EVI5: variants seen among roughly 807,000 people sequenced by gnomAD.
The protein encoded by EVI5 is ecotropic viral integration site 5 protein homolog.
A neutral mutation model predicts 112.0 loss-of-function variants in EVI5; 73 were observed. The observed-to-expected ratio is 0.65, with a 90% CI of 0.54 to 0.79. EVI5 has a LOEUF of 0.79. EVI5 is among the 30% of genes least tolerant of loss of function. The probability of loss-of-function intolerance (pLI) is 0.00; values close to 1 mark genes in which losing one functional copy is unlikely to be tolerated. For missense variants in EVI5, 900 were observed against 968.8 expected (o/e 0.93, Z 0.94); for synonymous variants, 305 against 319.9 (o/e 0.95, Z 0.50).
intron 1 of EVI5, chr1:92,756,315 C>T (rs1451877200): frequency 1.5e-5 from 7 of 466,806 alleles, no homozygotes; most frequent in Non-Finnish European, 2.6e-5. Context: ...GGCTGGCCAA[C>T]GATTTGCCTG....
chr1:92,567,894 A>G (rs758527598), intron 18 of EVI5, among the ~76,000 whole-genome samples: 4 of 152,198 alleles, frequency 2.6e-5, no homozygotes, highest in Non-Finnish European at 5.9e-5. Flanking sequence ...GGAAAAATAT[A>G]TATTATTCTT....
At position 92,657,550 on chromosome 1, in the gene EVI5, C is replaced by G. The variant is rs189054458; in HGVS notation, c.1392+5169G>C. ...TGGTGGTGTGTGCTTGTAGTCCCAG[C>G]TACTCAGGAGGCTAAAGCAGGAGGA... is the stretch of plus-strand genomic sequence containing the variant. On this transcript the variant is annotated intron_variant, in intron 13 of 19. Transcript: ENST00000684568. Among the ~76,000 whole-genome samples the G allele has an allele frequency of 2.0e-3, 299 of 152,112 alleles. 1 individual carries two copies. Among genetic ancestry groups the G allele is most frequent in the Non-Finnish European group, 3.4e-3 (230 of 67,998 alleles).
In EVI5 at chr1:92,527,548, C is replaced by A. The variant is rs1009719984; in HGVS notation, c.2167-13578G>T. 9.9e-5 allele frequency among the ~76,000 whole-genome samples: 15 copies of A among 151,806 alleles called. 1 individual carries two copies. In the East Asian group the frequency reaches 2.9e-3, roughly 29 times the overall value. ...ATGTGTACAAGTTGGTAAAATTTTACTTACATACATAGTCATGAAATTATC... is the reference window on the plus strand; with the variant it reads ...ATGTGTACAAGTTGGTAAAATTTTAATTACATACATAGTCATGAAATTATC... On this transcript the variant is annotated intron_variant, in intron 19 of 19. Coordinates refer to ENST00000684568, the MANE Select transcript of EVI5 (RefSeq NM_001350197.2).
chr1:92,546,562 G>A (rs773215214), intron 19 of EVI5, among the ~76,000 whole-genome samples: 3 of 152,140 alleles, frequency 2.0e-5, no homozygotes, highest in African/African-American at 4.8e-5. Flanking sequence ...CGGGCATGGT[G>A]GCACACGCAT....
chr1:92,565,096 A>G (rs893145223), intron 18 of EVI5, among the ~76,000 whole-genome samples: 8 of 152,244 alleles, frequency 5.3e-5, no homozygotes, highest in Non-Finnish European at 1.0e-4. Context: ...ATCCGGAGCC[A>G]TCTACTGAAA....
At chr1:92,746,758 A>T (rs112851804) in intron 1 of EVI5, among the ~76,000 whole-genome samples, 1 of 151,964 alleles carries the variant, frequency 6.6e-6, no homozygotes, top group Non-Finnish European at 1.5e-5. Context: ...TTAGCCAGGC[A>T]TGGTGGCGTG....
intron 18 of EVI5, among the ~76,000 whole-genome samples, chr1:92,590,863 G>C (rs1199485917): frequency 6.6e-6 from 1 of 152,220 alleles, no homozygotes; most frequent in East Asian, 1.9e-4. Context: ...CAGCCAGAGA[G>C]AAAGGTCGGG....
intron 2 of EVI5, among the ~76,000 whole-genome samples, chr1:92,718,612 A>C (rs936593003): frequency 6.6e-6 from 1 of 152,128 alleles, no homozygotes; most frequent in Non-Finnish European, 1.5e-5. Flanking sequence ...AATTGACACC[A>C]TAACATCACA....
At position 92,511,122 on chromosome 1, in the gene EVI5, T is replaced by G. The variant is rs1224749692; in HGVS notation, c.*2534A>C. 6.6e-6 allele frequency: 1 copy of G among 152,174 alleles called. No homozygotes were observed. Among genetic ancestry groups the G allele is most frequent in the Non-Finnish European group, 1.5e-5 (1 of 68,032 alleles). The allele number at this position is 152,174 out of a possible 1,614,324, so 9.4% of individuals were successfully genotyped here. Reference sequence around the variant, plus strand: ...TCTGTATATATATTCAGGAAACATTTAAATCAAATTCATTTAAATTATGTT... The same window carrying G: ...TCTGTATATATATTCAGGAAACATTGAAATCAAATTCATTTAAATTATGTT... On this transcript the variant is annotated 3_prime_UTR_variant, in exon 20 of 20. Transcript: ENST00000684568.
At chr1:92,605,086 T>C (rs1430901766) in intron 18 of EVI5, among the ~76,000 whole-genome samples, 1 of 152,090 alleles carries the variant, frequency 6.6e-6, no homozygotes, top group Non-Finnish European at 1.5e-5. Context: ...TGGATGGTGG[T>C]GATGGCTGCA....
intron 2 of EVI5, among the ~76,000 whole-genome samples, chr1:92,709,346 A>C (rs971509239): frequency 4.6e-5 from 7 of 152,152 alleles, no homozygotes; most frequent in South Asian, 2.1e-4. Flanking sequence ...TTATTCATCA[A>C]TTTTTATCAC....
intron 19 of EVI5, among the ~76,000 whole-genome samples, chr1:92,552,841 G>A (rs1009048708): frequency 1.3e-5 from 2 of 151,266 alleles, no homozygotes; most frequent in African/African-American, 2.4e-5. Context: ...TTTTAATTGC[G>A]ATTTTTTTCT....
intron 1 of EVI5, among the ~76,000 whole-genome samples, chr1:92,763,287 T>C (rs1349263299): frequency 6.6e-6 from 1 of 152,064 alleles, no homozygotes; most frequent in African/African-American, 2.4e-5. Context: ...AATACATATA[T>C]AAAATATAAA....
chr1:92,567,131 A>T (rs1003985081), intron 18 of EVI5, among the ~76,000 whole-genome samples: 7 of 152,080 alleles, frequency 4.6e-5, no homozygotes, highest in African/African-American at 1.4e-4. Context: ...AGTTTTTAAT[A>T]AAAAAGTTTA....
At chr1:92,744,084 G>A (rs1192448960) in intron 1 of EVI5, among the ~76,000 whole-genome samples, 3 of 152,050 alleles carry the variant, frequency 2.0e-5, no homozygotes, top group Non-Finnish European at 2.9e-5. Context: ...TTAGAAGTGT[G>A]TTTTTTAATT....
At chr1:92,637,231 A>G (rs1557966928) in intron 13 of EVI5, among the ~76,000 whole-genome samples, 1 of 152,150 alleles carries the variant, frequency 6.6e-6, no homozygotes. Flanking sequence ...TACAAAAATT[A>G]GCTGGGCATG....
intron 1 of EVI5, among the ~76,000 whole-genome samples, chr1:92,743,495 A>G (rs1259329803): frequency 6.6e-6 from 1 of 152,222 alleles, no homozygotes; most frequent in Non-Finnish European, 1.5e-5. Flanking sequence ...CAGAGACAGA[A>G]AGTAAAATGG....
intron 18 of EVI5, among the ~76,000 whole-genome samples, chr1:92,579,777 C>T (rs1014524169): frequency 2.0e-5 from 3 of 152,140 alleles, no homozygotes; most frequent in Non-Finnish European, 2.9e-5. Context: ...GTGATCCACC[C>T]GTCTTGGCCT....
chr1:92,558,969 C>T (rs1170673878), intron 19 of EVI5, among the ~76,000 whole-genome samples: 1 of 152,074 alleles, frequency 6.6e-6, no homozygotes, highest in Non-Finnish European at 1.5e-5. Context: ...AAGCACTATA[C>T]AGTTGTCCCT....
Sources: gnomAD v4.1 joint callset for allele counts (sites outside exome capture counted in the v4.1 genomes callset) on GRCh38, gnomAD v4.1.1 for gene constraint, MANE v1.5 for transcripts, NCBI Gene and HGNC (gene_info 2026-07-23, HGNC 2026-07-21) for gene names.